PTPN5: variants seen among roughly 807,000 people sequenced by gnomAD.
PTPN5 encodes the protein tyrosine-protein phosphatase non-receptor type 5.
A neutral mutation model predicts 73.9 loss-of-function variants in PTPN5; 29 were observed. The ratio of observed to expected loss-of-function variants is 0.39; its 90% CI spans 0.29 to 0.54. The LOEUF is 0.54. Ranked by LOEUF, PTPN5 falls within the 20% of genes least tolerant of loss-of-function variation. PTPN5 has a pLI of 0.65. For synonymous variants in PTPN5, 267 were observed against 304.7 expected (o/e 0.88, Z 1.29); for missense variants, 652 against 751.4 (o/e 0.87, Z 1.55).
chr11:18,781,856 G>A (rs1203554388), intron 1 of PTPN5, among the ~76,000 whole-genome samples: 2 of 152,124 alleles, frequency 1.3e-5, no homozygotes, highest in African/African-American at 4.8e-5. Context: ...GGAGCACTCA[G>A]GAGGGCACAA....
At chr11:18,748,357 C>T (rs1485866682) in intron 3 of PTPN5, among the ~76,000 whole-genome samples, 1 of 152,140 alleles carries the variant, frequency 6.6e-6, no homozygotes, top group Admixed American at 6.5e-5. Context: ...AAACTGTAGG[C>T]TCATAGGGCC....
chr11:18,747,994 C>G (rs1205320686), intron 3 of PTPN5, among the ~76,000 whole-genome samples: 1 of 152,174 alleles, frequency 6.6e-6, no homozygotes, highest in Non-Finnish European at 1.5e-5. Flanking sequence ...ATTTCATTTA[C>G]ATATCCTCAA....
intron 1 of PTPN5, among the ~76,000 whole-genome samples, chr11:18,781,805 G>A (rs1295838026): frequency 6.6e-6 from 1 of 152,146 alleles, no homozygotes; most frequent in African/African-American, 2.4e-5. Context: ...CTAGTGAGTT[G>A]AGTGAGAAAT....
At chr11:18,782,585 A>T (rs1851488912) in intron 1 of PTPN5, among the ~76,000 whole-genome samples, 1 of 152,204 alleles carries the variant, frequency 6.6e-6, no homozygotes, top group Non-Finnish European at 1.5e-5. Flanking sequence ...CACTTATATG[A>T]CGATTAGGAA....
At chr11:18,776,745 G>T (rs1489395694) in intron 1 of PTPN5, among the ~76,000 whole-genome samples, 2 of 152,024 alleles carry the variant, frequency 1.3e-5, no homozygotes, top group African/African-American at 4.8e-5. Flanking sequence ...AAATCACTAG[G>T]TTTACAGCAT....
rs1351274343 is a variant in PTPN5, at chr11:18,727,934, T to C, written c.*1000A>G. ...ATCACACAGACCCAGGAGGTTAGTT[T>C]TGCTCAAAATGCTCCGTTTATTGCT... On this transcript the variant is annotated 3_prime_UTR_variant, in exon 15 of 15. Transcript: ENST00000358540. 6.6e-6 allele frequency: 1 copy of C among 152,582 alleles called. No individual in the cohort carries two copies. Among genetic ancestry groups the C allele is most frequent in the African/African-American group, 2.4e-5 (1 of 41,434 alleles). The allele number at this position is 152,582 out of a possible 1,614,324, so 9.5% of individuals were successfully genotyped here.
intron 3 of PTPN5, among the ~76,000 whole-genome samples, chr11:18,753,229 T>C (rs1849974015): frequency 6.6e-6 from 1 of 152,146 alleles, no homozygotes; most frequent in Non-Finnish European, 1.5e-5. Flanking sequence ...CTGCCAACCA[T>C]CAGATGGTCT....
At chr11:18,746,337 G>A (rs1373005849) in intron 3 of PTPN5, among the ~76,000 whole-genome samples, 1 of 151,404 alleles carries the variant, frequency 6.6e-6, no homozygotes, top group East Asian at 1.9e-4. Context: ...TATCGCAGGT[G>A]TGTGCCACCA....
At chr11:18,788,395 A>G (rs930560004) in intron 1 of PTPN5, among the ~76,000 whole-genome samples, 3 of 152,050 alleles carry the variant, frequency 2.0e-5, no homozygotes, top group African/African-American at 7.3e-5. Flanking sequence ...TGTCCCCCCA[A>G]TAACCTCCAT....
At chr11:18,764,743 T>C (rs1167111557) in intron 3 of PTPN5, among the ~76,000 whole-genome samples, 1 of 152,134 alleles carries the variant, frequency 6.6e-6, no homozygotes, top group Non-Finnish European at 1.5e-5. Context: ...GACGGAGTCT[T>C]ACTCTGTCGC....
rs188101374 is a variant in PTPN5 at position 18,791,151 on chromosome 11, C to T, written c.-114+374G>A. On this transcript the variant is annotated intron_variant, in intron 1 of 14. Coordinates refer to ENST00000358540, the MANE Select transcript of PTPN5 (RefSeq NM_006906.2). ...AGGCCAGAAGGCTAGCGGCGATTTC[C>T]AATCTCCCTCAGGGGCTTCAGGCTC... Among the ~76,000 whole-genome samples, 480 of 152,342 alleles carry T rather than the reference C, an allele frequency of 3.2e-3. 5 individuals carry two copies. The highest frequency in any genetic ancestry group is 0.011 in the African/African-American group (455 of 41,588).
intron 1 of PTPN5, among the ~76,000 whole-genome samples, chr11:18,786,858 T>G (rs1322759584): frequency 6.6e-6 from 1 of 152,230 alleles, no homozygotes; most frequent in Non-Finnish European, 1.5e-5. Flanking sequence ...CTGCCTTCTC[T>G]TTTTGGGAAT....
chr11:18,743,735 C>A (rs1013426416), intron 4 of PTPN5: 1 of 571,764 alleles, frequency 1.7e-6, no homozygotes, highest in Non-Finnish European at 3.1e-6. Flanking sequence ...TCAGGAGAAC[C>A]CTGTACGGCT....
Position 18,733,737 on chromosome 11 carries a change from T to A in PTPN5, c.1001-102A>T. 9.9e-7 allele frequency: 1 copy of A among 1,005,426 alleles called. No individual in the cohort carries two copies. The highest frequency in any genetic ancestry group is 1.6e-6 in the Non-Finnish European group (1 of 639,334). The allele number at this position is 1,005,426 out of a possible 1,614,324, so 62.3% of individuals were successfully genotyped here. ...CATACCCACACTTCTTCTGCGACAT[T>A]AGCAGTTCTTCCTTCCCTTGCCCAG... On this transcript the variant is annotated intron_variant, in intron 9 of 14. Coordinates refer to ENST00000358540, the MANE Select transcript of PTPN5 (RefSeq NM_006906.2). This position sits in a 1 kb window ranked among gnomAD's most constrained non-coding sequence, Gnocchi z 4.3.
At chr11:18,740,428 G>A (rs998054038) in intron 8 of PTPN5, 175 bp downstream of exon 8, 5 of 500,320 alleles carry the variant, frequency 1.0e-5, no homozygotes, top group Non-Finnish European at 1.7e-5. Context: ...TTCCAGATGA[G>A]GAAACTGAAG....
intron 2 of PTPN5, among the ~76,000 whole-genome samples, chr11:18,770,942 G>A (rs1248863638): frequency 6.6e-6 from 1 of 152,128 alleles, no homozygotes; most frequent in Non-Finnish European, 1.5e-5. Flanking sequence ...GGGTAGAGTG[G>A]GGGATGGGGG....
chr11:18,744,256 C>G (rs1849514625), intron 3 of PTPN5, 57 bp from the exon 4 acceptor site: 1 of 1,405,812 alleles, frequency 7.1e-7, no homozygotes, highest in African/African-American at 1.5e-5. Flanking sequence ...AGGCAGGGCT[C>G]TGCCACCCCT....
rs115027872 is a variant in PTPN5 at position 18,743,584 on chromosome 11, C to G, written c.292-155G>C. ...AGCTGAGAGCAGGGCCCCGGTGCTG[C>G]GTGCCCGGGGAGGCCTCAGGACTCT... On this transcript the variant is annotated intron_variant, in intron 4 of 14. Coordinates refer to ENST00000358540, the MANE Select transcript of PTPN5 (RefSeq NM_006906.2). The G allele has an allele frequency of 8.1e-3, 5,388 of 667,542 alleles. 197 individuals carry two copies. In the African/African-American group the frequency reaches 0.083, roughly 10 times the overall value. The allele number at this position is 667,542 out of a possible 1,614,324, so 41.4% of individuals were successfully genotyped here. A position where few individuals can be genotyped will look rare whatever the true frequency, so the allele number is the denominator to read the frequency against.
intron 1 of PTPN5, among the ~76,000 whole-genome samples, chr11:18,781,040 C>CT: frequency 6.6e-6 from 1 of 152,318 alleles, no homozygotes; most frequent in East Asian, 1.9e-4. Context: ...CTCTCACACT[C>CT]TGATTATGCA....
Sources: gnomAD v4.1 joint callset for allele counts (sites outside exome capture counted in the v4.1 genomes callset) on GRCh38, gnomAD v4.1.1 for gene constraint, Gnocchi (gnomAD v3.1) non-coding constraint, MANE v1.5 for transcripts, NCBI Gene and HGNC (gene_info 2026-07-23, HGNC 2026-07-21) for gene names.